TSPEAR: variants seen among roughly 807,000 people sequenced by gnomAD.
TSPEAR encodes thrombospondin type laminin G domain and EAR repeats, also known as thrombospondin-type laminin G domain and EAR repeat-containing protein.
TSPEAR carries 69 observed loss-of-function variants against 71.6 expected under a neutral mutation model. That is an observed-to-expected ratio of 0.96 (90% CI 0.79 to 1.18). The LOEUF (loss-of-function observed/expected upper bound fraction) is 1.18, where lower values mean the gene tolerates loss of function less well. Ranked by LOEUF, TSPEAR falls within the 50% of genes most tolerant of loss-of-function variation. The pLI is 0.00. For synonymous variants in TSPEAR, 402 were observed against 387.2 expected, an observed-to-expected ratio of 1.04 and a Z score of -0.45; for missense variants, 971 against 894.9, an observed-to-expected ratio of 1.09 and a Z score of -1.09.
chr21:44,601,501 C>T (rs1555928766), intron 1 of TSPEAR: 2 of 1,612,450 alleles, frequency 1.2e-6, no homozygotes, highest in Non-Finnish European at 1.7e-6. Flanking sequence ...GTCTAGCTGC[C>T]AGCCGGCTTG....
At chr21:44,600,704 G>C (rs782348234) in intron 1 of TSPEAR, 18 of 1,613,320 alleles carry the variant, frequency 1.1e-5, no homozygotes, top group Admixed American at 1.7e-5. Context: ...TGTGACTCTT[G>C]CTCCGACTCC....
intron 1 of TSPEAR, chr21:44,628,060 C>T (rs374277192): frequency 5.0e-6 from 8 of 1,604,938 alleles, no homozygotes; most frequent in African/African-American, 1.3e-5. Context: ...ACGGTCATGT[C>T]CCCCAGGGCC....
intron 1 of TSPEAR, among the ~76,000 whole-genome samples, chr21:44,643,552 T>C (rs1984136620): frequency 6.6e-6 from 1 of 152,224 alleles, no homozygotes; most frequent in Admixed American, 6.5e-5. Context: ...TTGTCAATTA[T>C]ATCTCAATAA....
At chr21:44,666,793 C>A (rs1555944886) in intron 1 of TSPEAR, 19 of 1,611,826 alleles carry the variant, frequency 1.2e-5, no homozygotes, top group Non-Finnish European at 1.5e-5. Context: ...CAGCAGGATG[C>A]CTGGCAGGAG....
chr21:44,603,408 G>A (rs1981108787), intron 1 of TSPEAR, among the ~76,000 whole-genome samples: 2 of 152,164 alleles, frequency 1.3e-5, no homozygotes, highest in South Asian at 4.1e-4. Context: ...CCAACTACAG[G>A]CACCTGAATC....
intron 1 of TSPEAR, chr21:44,702,122 G>A: frequency 9.2e-7 from 1 of 1,086,236 alleles, no homozygotes; most frequent in Non-Finnish European, 1.3e-6. Flanking sequence ...AGGAGAGGCA[G>A]CGTCCACATG....
chr21:44,645,868 G>A (rs957653808), intron 1 of TSPEAR, among the ~76,000 whole-genome samples: 1 of 151,792 alleles, frequency 6.6e-6, no homozygotes, highest in African/African-American at 2.4e-5. Context: ...GGCCGGACGC[G>A]GTGGCTCACG....
At position 44,525,733 on chromosome 21, in the gene TSPEAR, AT is replaced by A. The variant is rs782563633; in HGVS notation, c.1255del (p.Ile419LeufsTer150). On this transcript the variant is annotated frameshift_variant, in exon 8 of 12. Transcript: ENST00000323084. LOFTEE classifies it high-confidence loss of function. ...RKLKFTPYQS[I>X]ATHSARDWEA... is the part of the protein sequence containing the mutation. Reference sequence around the variant, plus strand: ...CCAGTCTCGGGCGCTGTGTGTGGCAATGCTCTGATATGGGGTAAACTTCAGC... The same window carrying A: ...CCAGTCTCGGGCGCTGTGTGTGGCAAGCTCTGATATGGGGTAAACTTCAGC... The A allele has an allele frequency of 1.7e-5, 28 of 1,613,984 alleles. No homozygotes were observed. In the South Asian group the frequency reaches 2.6e-4, roughly 15 times the overall value.
intron 1 of TSPEAR, chr21:44,638,064 GC>G (rs782329554): frequency 1.2e-6 from 2 of 1,613,144 alleles, no homozygotes; most frequent in Admixed American, 3.3e-5. Context: ...GCCTCCTCCT[GC>G]CAGCCCAGCT....
intron 2 of TSPEAR, chr21:44,557,718 A>G (rs1490477283): frequency 1.1e-5 from 4 of 352,040 alleles, no homozygotes; most frequent in South Asian, 4.1e-5. Context: ...CAGAGTCCCG[A>G]AGCTCCCACC....
chr21:44,521,902 TG>T lies in TSPEAR; in HGVS notation c.1546del (p.Gln516SerfsTer53), dbSNP rs782791122. On this transcript the variant is annotated frameshift_variant, in exon 9 of 12. Transcript: ENST00000323084. LOFTEE classifies it high-confidence loss of function. ...CCTTACCGGGAAGGACTGGAAGAGC[TG>T]GAAGGAGCCCAGGAGTCGGATGTAG... ...HLYIRLLGSFQLFQSFPTFGA... is the reference protein window; with the variant it reads ...HLYIRLLGSFXLFQSFPTFGA... 3 of 1,613,504 alleles carry T rather than the reference TG, an allele frequency of 1.9e-6. No homozygotes were observed. Among genetic ancestry groups the T allele is most frequent in the Non-Finnish European group, 2.5e-6 (3 of 1,179,828 alleles).
In TSPEAR at chr21:44,506,542, C is replaced by T. The variant is rs1407145976; in HGVS notation, c.1755-1661G>A. On this transcript the variant is annotated intron_variant, in intron 10 of 11. Transcript: ENST00000323084. The surrounding 1 kb of genome is among the most constrained non-coding windows in gnomAD (Gnocchi z 4.2). ...CAGAGGTGTCCAGTGACAGGCAGGG[C>T]GGGCAGAGCCCATGGGGCCTTGGGC... Among the ~76,000 whole-genome samples the T allele has an allele frequency of 2.0e-5, 3 of 152,318 alleles. No individual in the cohort carries two copies. The highest frequency in any genetic ancestry group is 1.9e-4 in the East Asian group (1 of 5,172).
intron 1 of TSPEAR, chr21:44,677,970 A>G (rs1401616924): frequency 8.4e-7 from 1 of 1,195,032 alleles, no homozygotes; most frequent in East Asian, 2.4e-5. Context: ...AGTCAACCAC[A>G]GAGCTGCCTG....
In TSPEAR at chr21:44,518,371, T is replaced by A. The variant is rs1555913789; in HGVS notation, c.1566+3512A>T. 5 of 443,128 alleles carry A rather than the reference T, an allele frequency of 1.1e-5. No individual in the cohort carries two copies. In the Admixed American group the frequency reaches 1.5e-4, roughly 13 times the overall value. 27.4% of individuals were successfully genotyped at this position (443,128 alleles called of 1,614,324 possible). On this transcript the variant is annotated intron_variant, in intron 9 of 11. Coordinates refer to ENST00000323084, the MANE Select transcript of TSPEAR (RefSeq NM_144991.3). ...CACTGGGGCATCTTGAGCACCTTGG[T>A]GCAGTGTCGTGAAGAAGACACTGTA...
chr21:44,702,675 T>G lies in TSPEAR; in HGVS notation c.82+8758A>C, dbSNP rs1322165203. 7 of 1,552,784 alleles carry G rather than the reference T, an allele frequency of 4.5e-6. No homozygotes were observed. The African/African-American group carries it at 9.5e-5, about 21-fold the overall frequency. On this transcript the variant is annotated intron_variant, in intron 1 of 11. Transcript: ENST00000323084. Reference sequence around the variant, plus strand: ...GCTGCATGCCCGTCCCCTCCTGTTGTGCACCCGCCTTCTCCTGCCAGCCCA... The same window carrying G: ...GCTGCATGCCCGTCCCCTCCTGTTGGGCACCCGCCTTCTCCTGCCAGCCCA...
At chr21:44,618,969 C>A (rs964009382) in intron 1 of TSPEAR, among the ~76,000 whole-genome samples, 2 of 152,112 alleles carry the variant, frequency 1.3e-5, no homozygotes, top group Admixed American at 1.3e-4. Flanking sequence ...TTTTTAGAGT[C>A]CAGAAAGCCC....
chr21:44,517,669 G>A (rs2052621759), intron 9 of TSPEAR: 1 of 435,894 alleles, frequency 2.3e-6, no homozygotes, highest in Non-Finnish European at 4.7e-6. Context: ...AATATGGCAG[G>A]AAGCCACTGA....
intron 1 of TSPEAR, among the ~76,000 whole-genome samples, chr21:44,704,479 C>T (rs1203662806): frequency 5.9e-5 from 9 of 152,322 alleles, no homozygotes; most frequent in East Asian, 1.9e-4. Flanking sequence ...CTCCAGCTGG[C>T]GGGTAAAACC....
intron 1 of TSPEAR, among the ~76,000 whole-genome samples, chr21:44,608,103 G>T (rs191896532): frequency 1.0e-3 from 159 of 152,326 alleles, no homozygotes; most frequent in Non-Finnish European, 6.8e-4. Context: ...ACTCGGAGAT[G>T]ATGGAAAATC....
Sources: gnomAD v4.1 joint callset for allele counts (sites outside exome capture counted in the v4.1 genomes callset) on GRCh38, gnomAD v4.1.1 for gene constraint, Gnocchi (gnomAD v3.1) non-coding constraint, MANE v1.5 for transcripts, NCBI Gene and HGNC (gene_info 2026-07-23, HGNC 2026-07-21) for gene names.